The following FHIP1A variants were observed in gnomAD, a reference collection of about 807,000 sequenced individuals.
FHIP1A encodes FHF complex subunit HOOK-interacting protein 1A.
FHIP1A carries 61 observed loss-of-function variants against 88.6 expected under a neutral mutation model. The observed-to-expected ratio is 0.69, with a 90% CI of 0.56 to 0.85. The LOEUF (loss-of-function observed/expected upper bound fraction) is 0.85, where lower values mean the gene tolerates loss of function less well. FHIP1A is among the 40% of genes least tolerant of loss of function. The probability of loss-of-function intolerance (pLI) is 0.00; values close to 1 mark genes in which losing one functional copy is unlikely to be tolerated. For missense variants in FHIP1A, 1,154 were observed against 1,273.5 expected, an observed-to-expected ratio of 0.91 and a Z score of 1.43; for synonymous variants, 478 against 496.0, an observed-to-expected ratio of 0.96 and a Z score of 0.48.
At chr4:151,546,032 C>G (rs564237741) in intron 3 of FHIP1A, among the ~76,000 whole-genome samples, 2 of 152,058 alleles carry the variant, frequency 1.3e-5, no homozygotes, top group African/African-American at 4.8e-5. Flanking sequence ...CAGAGGAGAT[C>G]AGTATGTGGG....
At chr4:151,596,280 A>G (rs561122099) in intron 7 of FHIP1A, among the ~76,000 whole-genome samples, 24 of 152,278 alleles carry the variant, frequency 1.6e-4, no homozygotes, top group African/African-American at 5.5e-4. Context: ...TCCTTTGCTT[A>G]GGAAGCTTAC....
At chr4:151,479,902 A>G (rs1729836025) in intron 2 of FHIP1A, among the ~76,000 whole-genome samples, 1 of 152,092 alleles carries the variant, frequency 6.6e-6, no homozygotes, top group Admixed American at 6.6e-5. Flanking sequence ...GAAATTAGGG[A>G]TGTGATATAG....
intron 7 of FHIP1A, among the ~76,000 whole-genome samples, chr4:151,624,821 C>T (rs1336822353): frequency 1.3e-5 from 2 of 152,178 alleles, no homozygotes; most frequent in Admixed American, 6.5e-5. Context: ...ATAGGGGAGC[C>T]GACGGGAGGG....
chr4:151,550,425 G>T (rs990145989), intron 3 of FHIP1A, among the ~76,000 whole-genome samples: 1 of 151,970 alleles, frequency 6.6e-6, no homozygotes, highest in African/African-American at 2.4e-5. Flanking sequence ...TAGTAGCCTC[G>T]CATGAAGGGT....
Position 151,497,713 on chromosome 4 carries a change from C to G in FHIP1A, c.-123+15065C>G, listed in dbSNP as rs1023052437. Among the ~76,000 whole-genome samples, 7 of 152,296 alleles carry G rather than the reference C, an allele frequency of 4.6e-5. No homozygotes were observed. In the South Asian group the frequency reaches 1.5e-3, roughly 32 times the overall value. On this transcript the variant is annotated intron_variant, in intron 3 of 13. Coordinates refer to ENST00000435205, the MANE Select transcript of FHIP1A (RefSeq NM_001109977.3). ...CTGCTGACCATGCACAGAAAGGCCCCCAGCAACAAAGAATTATCTGAGCCA... is the reference window on the plus strand; with the variant it reads ...CTGCTGACCATGCACAGAAAGGCCCGCAGCAACAAAGAATTATCTGAGCCA...
At chr4:151,433,202 G>C (rs1418713690) in intron 1 of FHIP1A, among the ~76,000 whole-genome samples, 1 of 151,806 alleles carries the variant, frequency 6.6e-6, no homozygotes, top group East Asian at 1.9e-4. Flanking sequence ...TCTTACAGCA[G>C]TATATAAGAT....
At chr4:151,498,194 A>G (rs1213390261) in intron 3 of FHIP1A, among the ~76,000 whole-genome samples, 2 of 152,206 alleles carry the variant, frequency 1.3e-5, no homozygotes, top group Non-Finnish European at 2.9e-5. Context: ...TTACTGTTTT[A>G]ACAATTGTCA....
chr4:151,611,075 G>T (rs528575114), intron 7 of FHIP1A, among the ~76,000 whole-genome samples: 1 of 152,290 alleles, frequency 6.6e-6, no homozygotes, highest in East Asian at 1.9e-4. Context: ...GAGCCTGTGT[G>T]TGTGTATGTA....
At position 151,607,202 on chromosome 4, in the gene FHIP1A, C is replaced by T. The variant is rs544114749; in HGVS notation, c.978+18276C>T. On this transcript the variant is annotated intron_variant, in intron 7 of 13. Transcript: ENST00000435205. Reference sequence around the variant, plus strand: ...GGAGCCCAAGCAATCATTCTGTCTACTCAGTTCCCCTGGACTTAAACAGAA... The same window carrying T: ...GGAGCCCAAGCAATCATTCTGTCTATTCAGTTCCCCTGGACTTAAACAGAA... Among the ~76,000 whole-genome samples the T allele has an allele frequency of 3.9e-5, 6 of 152,312 alleles. 1 individual carries two copies. The South Asian group carries it at 1.2e-3, about 32-fold the overall frequency.
intron 3 of FHIP1A, among the ~76,000 whole-genome samples, chr4:151,536,122 A>C (rs757805796): frequency 1.3e-5 from 2 of 152,098 alleles, no homozygotes; most frequent in African/African-American, 4.8e-5. Flanking sequence ...TTTCCCCCCA[A>C]TAAAAATGTT....
intron 1 of FHIP1A, among the ~76,000 whole-genome samples, chr4:151,445,911 TCTA>T (rs1227871570): frequency 6.8e-6 from 1 of 147,400 alleles, no homozygotes; most frequent in Non-Finnish European, 1.5e-5. Flanking sequence ...TATCACACTT[TCTA>T]CTGCTGGTGA....
chr4:151,420,979 C>G (rs1733140257), intron 1 of FHIP1A, among the ~76,000 whole-genome samples: 1 of 152,140 alleles, frequency 6.6e-6, no homozygotes, highest in Admixed American at 6.5e-5. Flanking sequence ...CATCCTTAAC[C>G]TAGAGCCAAC....
At chr4:151,472,305 T>G (rs1729549624) in intron 2 of FHIP1A, among the ~76,000 whole-genome samples, 2 of 152,150 alleles carry the variant, frequency 1.3e-5, no homozygotes, top group Non-Finnish European at 1.5e-5. Context: ...GACCATGATT[T>G]TTTTTTTGTA....
At position 151,532,475 on chromosome 4, in the gene FHIP1A, C is replaced by T. The variant is rs570249059; in HGVS notation, c.-122-33663C>T. ...TCTCATTACAGACATCCAGAGGTGC[C>T]ACAAGAGCCTCCTGGAGGAAGGTTA... On this transcript the variant is annotated intron_variant, in intron 3 of 13. Transcript: ENST00000435205. Among the ~76,000 whole-genome samples, 35 of 152,288 alleles carry T rather than the reference C, an allele frequency of 2.3e-4. No individual in the cohort carries two copies. In the South Asian group the frequency reaches 7.3e-3, roughly 32 times the overall value.
intron 3 of FHIP1A, among the ~76,000 whole-genome samples, chr4:151,519,559 GAT>G (rs1048736973): frequency 1.1e-4 from 17 of 151,852 alleles, no homozygotes; most frequent in African/African-American, 3.9e-4. Flanking sequence ...TCTTTTTGTG[GAT>G]ATGTGTGTGT....
Position 151,656,828 on chromosome 4 carries a change from C to T in FHIP1A, c.2799C>T (p.Leu933=). The T allele has an allele frequency of 1.9e-6, 3 of 1,551,652 alleles. No individual in the cohort carries two copies. Among genetic ancestry groups the T allele is most frequent in the Non-Finnish European group, 2.6e-6 (3 of 1,146,934 alleles). Residue 933 remains leucine (L), a synonymous_variant, in exon 13 of 14, where the codon CTC becomes CTT. Transcript: ENST00000435205. This position sits in a 1 kb window ranked among gnomAD's most constrained non-coding sequence, Gnocchi z 4.2. ...TGGAGAGAGACTTCCCAGGGCTCCT[C>T]ATTCAAGCTCAGCAGTACCTGCTCT... is the stretch of plus-strand genomic sequence containing the variant. ...ASVERDFPGL[L]IQAQQYLLFR...
At chr4:151,539,411 A>C (rs1732189296) in intron 3 of FHIP1A, among the ~76,000 whole-genome samples, 1 of 151,988 alleles carries the variant, frequency 6.6e-6, no homozygotes, top group Non-Finnish European at 1.5e-5. Context: ...GTGAAAATAA[A>C]AAATTAGCCG....
intron 3 of FHIP1A, among the ~76,000 whole-genome samples, chr4:151,560,897 G>C (rs1342817846): frequency 6.6e-6 from 1 of 151,930 alleles, no homozygotes; most frequent in African/African-American, 2.4e-5. Context: ...CTTTATCGAG[G>C]TATAATTGAT....
rs1734232754 is a variant in FHIP1A at position 151,586,760 on chromosome 4, G to A, written c.852G>A (p.Gln284=). 4 of 1,551,072 alleles carry A rather than the reference G, an allele frequency of 2.6e-6. No homozygotes were observed. The highest frequency in any genetic ancestry group is 3.5e-6 in the Non-Finnish European group (4 of 1,146,556). ...DDWLLLPSLV[Q]FMNSLEFCNA... ...GGCTTCTACTTCCTTCTCTTGTCCA[G>A]TTCATGAACTCCCTGGAGTTTTGCA... Residue 284 remains glutamine, a synonymous_variant, in exon 6 of 14, where the codon CAG becomes CAA. Coordinates refer to ENST00000435205, the MANE Select transcript of FHIP1A (RefSeq NM_001109977.3).
Sources: allele counts gnomAD v4.1 joint callset (sites outside exome capture counted in the v4.1 genomes callset), GRCh38; gene constraint gnomAD v4.1.1; non-coding constraint Gnocchi (gnomAD v3.1); transcripts MANE v1.5; gene names NCBI Gene and HGNC (gene_info 2026-07-23, HGNC 2026-07-21).